The following ZNF468 variants were observed in gnomAD, a reference collection of about 807,000 sequenced individuals.
ZNF468 encodes the protein zinc finger protein 468.
ZNF468 carries 8 observed loss-of-function variants against 7.2 expected under a neutral mutation model. The ratio of observed to expected loss-of-function variants is 1.11; its 90% CI spans 0.65 to 2.01. The LOEUF (loss-of-function observed/expected upper bound fraction) is 2.01. Ranked by LOEUF, ZNF468 falls within the 30% of genes most tolerant of loss-of-function variation. ZNF468 has a pLI of 0.00. For missense variants in ZNF468, 608 were observed against 626.5 expected (o/e 0.97, Z 0.31); for synonymous variants, 218 against 214.4 (o/e 1.02, Z -0.15).
In ZNF468 at chr19:52,841,059, T is replaced by G; in HGVS notation, c.1235A>C (p.Lys412Thr). Residue 412 changes from lysine (K) to threonine (T), a missense_variant, in exon 4 of 4, where the codon AAA becomes ACA. Lys to Thr is a moderately conservative substitution (Grantham distance 78). Transcript: ENST00000595646. ...RRIHSGEKPY[K>T]CEECCKVFSR... is the part of the protein sequence containing the mutation. ...GAAAACTTTGCAACATTCTTCACATTTGTAAGGTTTCTCTCCACTATGAAT... is the reference window on the plus strand; with the variant it reads ...GAAAACTTTGCAACATTCTTCACATGTGTAAGGTTTCTCTCCACTATGAAT... 6.2e-7 allele frequency: 1 copy of G among 1,613,012 alleles called. No individual in the cohort carries two copies.
At chr19:52,849,411 C>A (rs2063366453) in intron 2 of ZNF468, 198 bp from the exon 3 acceptor site, 6 of 1,074,538 alleles carry the variant, frequency 5.6e-6, no homozygotes, top group Non-Finnish European at 6.4e-6. Context: ...AAGACATACT[C>A]TCAGTATAAA....
At chr19:52,844,193 C>T (rs1261803132) in intron 3 of ZNF468, among the ~76,000 whole-genome samples, 2 of 152,132 alleles carry the variant, frequency 1.3e-5, no homozygotes, top group Non-Finnish European at 2.9e-5. Flanking sequence ...AAGAGGATGT[C>T]CCTGCAGATG....
At chr19:52,854,433 T>C in intron 1 of ZNF468, 88 bp from the exon 2 acceptor site, 3 of 1,337,682 alleles carry the variant, frequency 2.2e-6, no homozygotes, top group South Asian at 1.4e-5. Context: ...GACCTCACCC[T>C]GGGAAATACG....
rs139909919 is a variant in ZNF468 at position 52,841,701 on chromosome 19, T to C, written c.593A>G (p.His198Arg). The C allele has an allele frequency of 7.2e-5, 116 of 1,614,084 alleles. No homozygotes were observed. Among genetic ancestry groups the C allele is most frequent in the Non-Finnish European group, 9.0e-5 (106 of 1,180,022 alleles). ...CCATTTTTGTGTGAGTAATGAAGAA[T>C]GGAGGGAATTATTTCCATACTTATT... ...ISNKYGNNSL[H>R]SSLLTQKWEV... Residue 198 changes from histidine (H) to arginine (R), a missense_variant, in exon 4 of 4, where the codon CAT becomes CGT. By Grantham distance (29) the His-to-Arg change is conservative. Transcript: ENST00000595646.
chr19:52,840,434 T>C lies in ZNF468; in HGVS notation c.*291A>G, dbSNP rs1407378262. The C allele has an allele frequency of 1.3e-5, 8 of 598,674 alleles. No individual in the cohort carries two copies. The highest frequency in any genetic ancestry group is 2.6e-5 in the Admixed American group (1 of 38,616). The allele number at this position is 598,674 out of a possible 1,614,324, so 37.1% of individuals were successfully genotyped here. ...GAATTCTAGTATGTTTTGCCAGATA[T>C]GCATTATATGCAAAAACCTTGTCAC... is the stretch of plus-strand genomic sequence containing the variant. On this transcript the variant is annotated 3_prime_UTR_variant, in exon 4 of 4. Transcript: ENST00000595646.
intron 3 of ZNF468, among the ~76,000 whole-genome samples, chr19:52,847,787 A>G (rs1466297009): frequency 6.6e-6 from 1 of 152,050 alleles, no homozygotes; most frequent in Non-Finnish European, 1.5e-5. Flanking sequence ...CTTTGCTCAC[A>G]TGTTTCCCTG....
In ZNF468 at chr19:52,849,133, T is replaced by G. The variant is rs756238155; in HGVS notation, c.96A>C (p.Leu32Phe). The G allele has an allele frequency of 1.5e-5, 24 of 1,613,876 alleles. No individual in the cohort carries two copies. The highest frequency in any genetic ancestry group is 1.9e-5 in the Non-Finnish European group (23 of 1,179,936). ...AATTCTCCAGCATCACGTCCCTGTA[T>G]AAAGTCCTCTGAGCAGGGTCCAGGC... ...WKCLDPAQRTLYRDVMLENYR... is the reference protein window; with the variant it reads ...WKCLDPAQRTFYRDVMLENYR... The change falls in exon 3 of 4, where the codon TTA becomes TTC. Residue 32 changes from leucine (L) to phenylalanine (F), a missense_variant. By Grantham distance (22) the Leu-to-Phe change is conservative (BLOSUM62 0). Coordinates refer to ENST00000595646, the MANE Select transcript of ZNF468 (RefSeq NM_001008801.2).
chr19:52,842,132 C>T lies in ZNF468; in HGVS notation c.162G>A (p.Met54Ile). 1 of 1,593,252 alleles carries T rather than the reference C, an allele frequency of 6.3e-7. No individual in the cohort carries two copies. Among genetic ancestry groups the T allele is most frequent in the Non-Finnish European group, 8.6e-7 (1 of 1,169,038 alleles). Residue 54 changes from methionine (M) to isoleucine (I), a missense_variant, in exon 4 of 4, where the codon ATG (methionine) becomes ATA (isoleucine). By Grantham distance (10) the Met-to-Ile change is conservative. Coordinates refer to ENST00000595646, the MANE Select transcript of ZNF468 (RefSeq NM_001008801.2). Reference protein sequence around the residue: ...LVSLDISSKCMLKTLSSTGQG... With the variant: ...LVSLDISSKCILKTLSSTGQG... ...GCCCTGTTGACGACAACGTCTTCAA[C>T]ATGCATTTGGAAGAGATATCTACAA... is the stretch of plus-strand genomic sequence containing the variant.
chr19:52,855,100 C>G (rs1168261819), intron 1 of ZNF468, among the ~76,000 whole-genome samples: 2 of 151,730 alleles, frequency 1.3e-5, no homozygotes, highest in Non-Finnish European at 2.9e-5. Flanking sequence ...ATTGCTTGAA[C>G]CCAGGAGATA....
intron 1 of ZNF468, among the ~76,000 whole-genome samples, chr19:52,855,267 A>T (rs1661852836): frequency 6.6e-6 from 1 of 151,560 alleles, no homozygotes; most frequent in Admixed American, 6.6e-5. Flanking sequence ...GGTAGAGGGA[A>T]CTTCAGATGG....
In ZNF468 at chr19:52,854,339, G is replaced by A. The variant is rs1308147716; in HGVS notation, c.-67C>T. 6.2e-7 allele frequency: 1 copy of A among 1,610,054 alleles called. No individual in the cohort carries two copies. Among genetic ancestry groups the A allele is most frequent in the Non-Finnish European group, 8.5e-7 (1 of 1,176,998 alleles). ...TCTCACGTACCAACAGTCTTTAGAA[G>A]TCAATCCTGAATGTTAAAAATATGT... On this transcript the variant is annotated 5_prime_UTR_variant, in exon 2 of 4. Transcript: ENST00000595646.
intron 2 of ZNF468, among the ~76,000 whole-genome samples, chr19:52,849,790 G>C (rs529722806): frequency 2.5e-4 from 29 of 115,588 alleles, no homozygotes; most frequent in African/African-American, 9.3e-4. Flanking sequence ...TGTGGTCCCA[G>C]CTACTTGGAA....
chr19:52,854,658 G>A (rs11084197), intron 1 of ZNF468, among the ~76,000 whole-genome samples: 25,220 of 152,104 alleles, frequency 0.17, 2,675 homozygotes, highest in African/African-American at 0.29. Context: ...GGAAGCTGAT[G>A]TGGAAGCATC....
rs1322240818 is a variant in ZNF468 at position 52,841,539 on chromosome 19, A to T, written c.755T>A (p.Phe252Tyr). 1 of 1,614,138 alleles carries T rather than the reference A, an allele frequency of 6.2e-7. No individual in the cohort carries two copies. Among genetic ancestry groups the T allele is most frequent in the East Asian group, 2.2e-5 (1 of 44,864 alleles). ...GCAGGCAAGGTATCGCTTCTGATTAAAGACCTTGCCACATACATCACATTT... is the reference window on the plus strand; with the variant it reads ...GCAGGCAAGGTATCGCTTCTGATTATAGACCTTGCCACATACATCACATTT... ...QCKCDVCGKV[F>Y]NQKRYLACHR... The change falls in exon 4 of 4, where the codon TTT becomes TAT. Residue 252 changes from phenylalanine (F) to tyrosine (Y), a missense_variant. By Grantham distance (22) the Phe-to-Tyr change is conservative. Coordinates refer to ENST00000595646, the MANE Select transcript of ZNF468 (RefSeq NM_001008801.2).
chr19:52,838,454 C>G lies in ZNF468; in HGVS notation c.*2271G>C, dbSNP rs969881209. The stretch of plus-strand genomic sequence containing the variant: ...GGATCTCACATGATGCAAGAATGCT[C>G]TCACCCCTTCTATTCAATCAATACT... On this transcript the variant is annotated 3_prime_UTR_variant, in exon 4 of 4. Transcript: ENST00000595646. The G allele has an allele frequency of 6.6e-6, 1 of 152,142 alleles. No individual in the cohort carries two copies. The highest frequency in any genetic ancestry group is 1.5e-5 in the Non-Finnish European group (1 of 68,020). The allele number at this position is 152,142 out of a possible 1,614,324, so 9.4% of individuals were successfully genotyped here. A position where few individuals can be genotyped will look rare whatever the true frequency, so the allele number is the denominator to read the frequency against.
At chr19:52,847,648 T>C (rs1409564763) in intron 3 of ZNF468, among the ~76,000 whole-genome samples, 1 of 152,140 alleles carries the variant, frequency 6.6e-6, no homozygotes, top group Non-Finnish European at 1.5e-5. Context: ...AGGCGAGATA[T>C]GCTGGCAGCA....
At chr19:52,853,820 A>G (rs2063411626) in intron 2 of ZNF468, 4 of 1,184,336 alleles carry the variant, frequency 3.4e-6, no homozygotes, top group Non-Finnish European at 4.2e-6. Context: ...AATGTGGTAT[A>G]AAATCAGGGA....
chr19:52,843,928 T>C (rs2147729906), intron 3 of ZNF468, among the ~76,000 whole-genome samples: 1 of 152,224 alleles, frequency 6.6e-6, no homozygotes, highest in East Asian at 1.9e-4. Flanking sequence ...AAGACCAGCC[T>C]GGACAACATG....
intron 2 of ZNF468, among the ~76,000 whole-genome samples, chr19:52,851,685 G>A (rs1380375302): frequency 6.6e-6 from 1 of 152,050 alleles, no homozygotes; most frequent in Non-Finnish European, 1.5e-5. Context: ...AGGTTGCAGT[G>A]CGCTAAGATC....
Sources: allele counts gnomAD v4.1 joint callset (sites outside exome capture counted in the v4.1 genomes callset), GRCh38; gene constraint gnomAD v4.1.1; transcripts MANE v1.5; gene names NCBI Gene and HGNC (gene_info 2026-07-23, HGNC 2026-07-21).